The following TNFRSF11B variants were observed in gnomAD, a reference collection of about 807,000 sequenced individuals.
The protein encoded by TNFRSF11B is TNF receptor superfamily member 11b.
Under a neutral mutation model 43.4 loss-of-function variants are expected in TNFRSF11B, and 16 were observed. That is an observed-to-expected ratio of 0.37 (90% CI 0.25 to 0.56). The LOEUF (loss-of-function observed/expected upper bound fraction) is 0.56, where lower values mean the gene tolerates loss of function less well. Among genes scored for constraint, TNFRSF11B ranks in the 20% least tolerant of loss-of-function variants. The pLI is 0.80. For synonymous variants in TNFRSF11B, 185 were observed against 181.8 expected (o/e 1.02, Z -0.14); for missense variants, 444 against 490.1 (o/e 0.91, Z 0.89).
intron 1 of TNFRSF11B, among the ~76,000 whole-genome samples, chr8:118,934,433 A>G (rs1265779876): frequency 6.6e-6 from 1 of 152,200 alleles, no homozygotes; most frequent in Admixed American, 6.5e-5. Flanking sequence ...ACATCTCTTC[A>G]GGTGTACTGG....
intron 1 of TNFRSF11B, among the ~76,000 whole-genome samples, chr8:118,946,025 A>AT (rs1812556503): frequency 6.6e-6 from 1 of 152,138 alleles, no homozygotes. Context: ...AGAGAGGTGA[A>AT]TTTTTTTAAA....
chr8:118,931,803 T>C (rs1036143766), intron 2 of TNFRSF11B, among the ~76,000 whole-genome samples: 1 of 152,224 alleles, frequency 6.6e-6, no homozygotes, highest in South Asian at 2.1e-4. Flanking sequence ...TTAGACTTTG[T>C]ATATCACAAG....
chr8:118,945,343 T>G (rs1420037975), intron 1 of TNFRSF11B, among the ~76,000 whole-genome samples: 1 of 152,106 alleles, frequency 6.6e-6, no homozygotes, highest in Non-Finnish European at 1.5e-5. Flanking sequence ...TATGACCTAT[T>G]CTAACCTCTA....
At chr8:118,926,439 T>C (rs1812245892) in intron 4 of TNFRSF11B, 55 bp downstream of exon 4, 3 of 1,451,288 alleles carry the variant, frequency 2.1e-6, no homozygotes, top group Non-Finnish European at 2.9e-6. Flanking sequence ...TCCTGGTTTA[T>C]GATAAATAGG....
intron 2 of TNFRSF11B, among the ~76,000 whole-genome samples, chr8:118,929,606 G>A (rs1812297251): frequency 6.6e-6 from 1 of 152,218 alleles, no homozygotes; most frequent in African/African-American, 2.4e-5. Context: ...TTCAGGAAGG[G>A]TGACTGCAAG....
chr8:118,930,105 C>A (rs1812305538), intron 2 of TNFRSF11B, among the ~76,000 whole-genome samples: 1 of 152,134 alleles, frequency 6.6e-6, no homozygotes, highest in South Asian at 2.1e-4. Flanking sequence ...CAGCCTAAAA[C>A]CTTCACATAT....
chr8:118,951,324 T>A (rs868866415), intron 1 of TNFRSF11B, among the ~76,000 whole-genome samples: 1 of 152,192 alleles, frequency 6.6e-6, no homozygotes, highest in African/African-American at 2.4e-5. Context: ...GAAAAATCTA[T>A]CATGTCATAT....
intron 1 of TNFRSF11B, among the ~76,000 whole-genome samples, chr8:118,949,446 A>G (rs899069793): frequency 1.3e-5 from 2 of 152,190 alleles, no homozygotes; most frequent in Non-Finnish European, 2.9e-5. Context: ...GATATGAAGC[A>G]GAAACTTTAT....
At chr8:118,934,165 A>G (rs1812369940) in intron 1 of TNFRSF11B, among the ~76,000 whole-genome samples, 1 of 152,146 alleles carries the variant, frequency 6.6e-6, no homozygotes, top group African/African-American at 2.4e-5. Flanking sequence ...AGTTGGTGAT[A>G]TGCGAAGGTA....
intron 3 of TNFRSF11B, among the ~76,000 whole-genome samples, chr8:118,927,203 A>C (rs1322010979): frequency 6.6e-6 from 1 of 152,242 alleles, no homozygotes; most frequent in Admixed American, 6.5e-5. Flanking sequence ...AGATAGATAC[A>C]GATATATAAG....
chr8:118,938,714 A>C (rs930624987), intron 1 of TNFRSF11B, among the ~76,000 whole-genome samples: 1 of 152,186 alleles, frequency 6.6e-6, no homozygotes, highest in Non-Finnish European at 1.5e-5. Flanking sequence ...CTTTGTGCTA[A>C]GACTAGCTTT....
chr8:118,933,338 A>T, intron 1 of TNFRSF11B, 38 bp from the exon 2 acceptor site: 2 of 1,609,416 alleles, frequency 1.2e-6, no homozygotes, highest in Non-Finnish European at 1.7e-6. Flanking sequence ...TCATCTTAGC[A>T]TGAAAATAGG....
chr8:118,941,869 G>A (rs3134058), intron 1 of TNFRSF11B, among the ~76,000 whole-genome samples: 76,479 of 151,842 alleles, frequency 0.5, 20,514 homozygotes, highest in African/African-American at 0.7. Flanking sequence ...GCTTCTGTTA[G>A]TCATCAGATT....
At chr8:118,932,887 A>C in intron 2 of TNFRSF11B, 44 bp downstream of exon 2, 1 of 1,612,572 alleles carries the variant, frequency 6.2e-7, no homozygotes, top group Non-Finnish European at 8.5e-7. Context: ...CAACTATCTG[A>C]CTTTGCATGA....
chr8:118,931,870 G>C (rs1035001567), intron 2 of TNFRSF11B, among the ~76,000 whole-genome samples: 1 of 152,136 alleles, frequency 6.6e-6, no homozygotes, highest in African/African-American at 2.4e-5. Context: ...TTCTCAACCA[G>C]GAGTGATTTT....
intron 1 of TNFRSF11B, among the ~76,000 whole-genome samples, chr8:118,947,734 TA>T (rs1812587930): frequency 6.6e-6 from 1 of 152,228 alleles, no homozygotes; most frequent in African/African-American, 2.4e-5. Context: ...AGAAGATTAT[TA>T]AAATTTGTTC....
rs1036014866 is a variant in TNFRSF11B, at chr8:118,923,564, T to A, written c.*810A>T. Reference sequence around the variant, plus strand: ...AAGCAACAGAAAAAGCAATAAAAAATAATTTGAAAACTTTAATAATGTCAT... The same window carrying A: ...AAGCAACAGAAAAAGCAATAAAAAAAAATTTGAAAACTTTAATAATGTCAT... On this transcript the variant is annotated 3_prime_UTR_variant, in exon 5 of 5. Coordinates refer to ENST00000297350, the MANE Select transcript of TNFRSF11B (RefSeq NM_002546.4). 2 of 152,574 alleles carry A rather than the reference T, an allele frequency of 1.3e-5. No homozygotes were observed. The highest frequency in any genetic ancestry group is 6.5e-5 in the Admixed American group (1 of 15,278). The allele number at this position is 152,574 out of a possible 1,614,324, so 9.5% of individuals were successfully genotyped here.
intron 1 of TNFRSF11B, among the ~76,000 whole-genome samples, chr8:118,949,949 A>C (rs1285976921): frequency 2.0e-5 from 3 of 152,238 alleles, no homozygotes; most frequent in African/African-American, 7.2e-5. Flanking sequence ...AGCTAAAGAA[A>C]GGGGAAGCAA....
intron 1 of TNFRSF11B, among the ~76,000 whole-genome samples, chr8:118,938,678 G>A (rs2129908036): frequency 6.6e-6 from 1 of 152,288 alleles, no homozygotes; most frequent in East Asian, 1.9e-4. Context: ...CCTTCCTGAA[G>A]TCCAGATAAA....
Sources: allele counts gnomAD v4.1 joint callset (sites outside exome capture counted in the v4.1 genomes callset), GRCh38; gene constraint gnomAD v4.1.1; transcripts MANE v1.5; gene names NCBI Gene and HGNC (gene_info 2026-07-23, HGNC 2026-07-21).